The following POSTN variants were observed in gnomAD, a reference collection of about 807,000 sequenced individuals.
POSTN encodes periostin.
In POSTN, 71 loss-of-function variants were observed where a neutral mutation model predicts 104.5. The observed-to-expected ratio is 0.68, with a 90% CI of 0.56 to 0.83. POSTN has a LOEUF of 0.83. POSTN is among the 40% of genes least tolerant of loss of function. The pLI, the probability that POSTN is intolerant of heterozygous loss-of-function variation, is 0.00. For missense variants in POSTN, 949 were observed against 1,006.8 expected (o/e 0.94, Z 0.78); for synonymous variants, 355 against 340.7 (o/e 1.04, Z -0.46).
chr13:37,573,015 A>G (rs1950301087), intron 17 of POSTN, among the ~76,000 whole-genome samples: 1 of 151,586 alleles, frequency 6.6e-6, no homozygotes, highest in South Asian at 2.1e-4. Flanking sequence ...GAAGCCATGT[A>G]GAGATGACCC....
intron 15 of POSTN, among the ~76,000 whole-genome samples, chr13:37,578,602 C>A (rs896542179): frequency 6.6e-6 from 1 of 151,894 alleles, no homozygotes; most frequent in African/African-American, 2.4e-5. Flanking sequence ...TCGAGACCAT[C>A]CTGGCGAACA....
At chr13:37,570,801 T>A (rs747139657) in intron 18 of POSTN, 132 bp from the exon 19 acceptor site, 3 of 631,092 alleles carry the variant, frequency 4.8e-6, no homozygotes, top group Non-Finnish European at 8.3e-6. Flanking sequence ...TAAACATTTT[T>A]AGAACATATC....
chr13:37,574,767 G>A (rs1015626901), intron 16 of POSTN, 115 bp from the exon 17 acceptor site: 3 of 1,307,394 alleles, frequency 2.3e-6, no homozygotes, highest in Admixed American at 3.5e-5. Flanking sequence ...ACAGGATGTG[G>A]TAATATGTTC....
At position 37,563,133 on chromosome 13, in the gene POSTN, A is replaced by ACTACAGGAGGCTAACT. The variant is rs1555350229; in HGVS notation, c.*199_*200insAGTTAGCCTCCTGTAG. ...GTGTTATATTTTCTTCAATTCCTTTACCACAGGAGGCTAACTCCACAATTT... is the reference window on the plus strand; with the variant it reads ...GTGTTATATTTTCTTCAATTCCTTTACTACAGGAGGCTAACTCCACAGGAGGCTAACTCCACAATTT... On this transcript the variant is annotated 3_prime_UTR_variant, in exon 23 of 23. Transcript: ENST00000379747. 2.5e-6 allele frequency: 1 copy of ACTACAGGAGGCTAACT among 393,726 alleles called. No individual in the cohort carries two copies. Among genetic ancestry groups the ACTACAGGAGGCTAACT allele is most frequent in the East Asian group, 3.8e-5 (1 of 26,462 alleles). The allele number at this position is 393,726 out of a possible 1,614,324, so 24.4% of individuals were successfully genotyped here. A position where few individuals can be genotyped will look rare whatever the true frequency, so the allele number is the denominator to read the frequency against.
chr13:37,565,068 A>G (rs1473788026), intron 21 of POSTN: 1 of 152,176 alleles, frequency 6.6e-6, no homozygotes, highest in Non-Finnish European at 1.5e-5. Flanking sequence ...GCACTGACCT[A>G]ATGATTCTAG....
Position 37,584,834 on chromosome 13 carries a change from C to T in POSTN, c.990G>A (p.Glu330=). Residue 330 remains glutamate, a synonymous_variant, in exon 8 of 23, where the codon GAG becomes GAA. Transcript: ENST00000379747. ...TTATACTGTCACCGTCACATCCTAT[C>T]TCAATTGTATTTCCTTCCAGCGTCT... The part of the protein sequence containing the change: ...VFETLEGNTI[E]IGCDGDSITV... 6.2e-7 allele frequency: 1 copy of T among 1,613,930 alleles called. No homozygotes were observed.
chr13:37,569,329 T>C lies in POSTN; in HGVS notation c.2402A>G (p.Asp801Gly), dbSNP rs1158619251. The change falls in exon 21 of 23, where the codon GAT (aspartate) becomes GGT (glycine). Residue 801 changes from aspartate (D) to glycine (G), a missense_variant. Coordinates refer to ENST00000379747, the MANE Select transcript of POSTN (RefSeq NM_006475.3). The stretch of plus-strand genomic sequence containing the variant: ...CTGAAGCAGTCTTTTAATTTCTTCA[T>C]CTTCAAATAAATGACCATCACCACC... ...IEGGDGHLFEDEEIKRLLQGD... is the reference protein window; with the variant it reads ...IEGGDGHLFEGEEIKRLLQGD... 6.2e-7 allele frequency: 1 copy of C among 1,612,806 alleles called. No homozygotes were observed. The highest frequency in any genetic ancestry group is 2.2e-5 in the East Asian group (1 of 44,770).
chr13:37,571,343 G>A lies in POSTN; in HGVS notation c.2179+26C>T, dbSNP rs371887388. On this transcript the variant is annotated intron_variant, in intron 18 of 22. Coordinates refer to ENST00000379747, the MANE Select transcript of POSTN (RefSeq NM_006475.3). ...CAAAATAATCACAGCGAAGGTAGTC[G>A]GCCCCAGGTAACATAAGGAACGCAC... The A allele has an allele frequency of 2.4e-4, 342 of 1,438,786 alleles. 3 individuals are homozygous for A. The highest frequency in any genetic ancestry group is 1.3e-4 in the Non-Finnish European group (138 of 1,038,454). 89.1% of individuals were successfully genotyped at this position (1,438,786 alleles called of 1,614,324 possible). A position where few individuals can be genotyped will look rare whatever the true frequency, so the allele number is the denominator to read the frequency against.
chr13:37,579,422 CA>C (rs1481937845), intron 12 of POSTN, 63 bp from the exon 13 acceptor site: 1 of 1,282,266 alleles, frequency 7.8e-7, no homozygotes, highest in Admixed American at 2.1e-5. Context: ...GACTAAGAAA[CA>C]AAACACTTAT....
rs111655391 is a variant in POSTN at position 37,590,378 on chromosome 13, C to T, written c.435G>A (p.Leu145=). Residue 145 remains leucine (L), a synonymous_variant, in exon 4 of 23, where the codon TTG becomes TTA. Transcript: ENST00000379747. ...GATAAAAATAATGAATTACAGAATCCAAGTTGTCCCAAGCCTCATTACTCG... is the reference window on the plus strand; with the variant it reads ...GATAAAAATAATGAATTACAGAATCTAAGTTGTCCCAAGCCTCATTACTCG... The part of the protein sequence containing the change: ...FAPSNEAWDN[L]DSDIRRGLES... 32 of 1,549,018 alleles carry T rather than the reference C, an allele frequency of 2.1e-5. 1 individual carries two copies. The Middle Eastern group carries it at 1.0e-3, about 49-fold the overall frequency.
chr13:37,595,689 G>A (rs1220520257), intron 2 of POSTN, among the ~76,000 whole-genome samples: 1 of 151,906 alleles, frequency 6.6e-6, no homozygotes, highest in African/African-American at 2.4e-5. Flanking sequence ...ATGCATTATG[G>A]TTACTTAGTA....
intron 3 of POSTN, among the ~76,000 whole-genome samples, chr13:37,591,372 T>C (rs1950929655): frequency 6.6e-6 from 1 of 152,194 alleles, no homozygotes; most frequent in Admixed American, 6.6e-5. Context: ...AATGACATTA[T>C]CCAAAGTGCA....
chr13:37,587,910 C>A lies in POSTN; in HGVS notation c.518G>T (p.Arg173Ile), dbSNP rs770865489. 1 of 1,599,314 alleles carries A rather than the reference C, an allele frequency of 6.3e-7. No homozygotes were observed. Among genetic ancestry groups the A allele is most frequent in the South Asian group, 1.1e-5 (1 of 90,664 alleles). ...ATTTTTTAAGTCCTTGGTCAACATT[C>A]TCTTATTAATCATGTGACTATGTAA... ...NALHSHMINK[R>I]MLTKDLKNGM... Residue 173 changes from arginine (R) to isoleucine (I), a missense_variant, in exon 5 of 23, where the codon AGA (arginine) becomes ATA (isoleucine). Transcript: ENST00000379747.
At chr13:37,590,351 T>C (rs751310186) in intron 4 of POSTN, 21 bp downstream of exon 4, 3 of 1,491,408 alleles carry the variant, frequency 2.0e-6, no homozygotes, top group Non-Finnish European at 2.7e-6. Flanking sequence ...AATAAATATA[T>C]TGATAAAAAT....
At chr13:37,563,558 A>G (rs574172508) in intron 22 of POSTN, among the ~76,000 whole-genome samples, 188 bp from the exon 23 acceptor site, 1 of 152,222 alleles carries the variant, frequency 6.6e-6, no homozygotes, top group East Asian at 1.9e-4. Flanking sequence ...TATATAAAAT[A>G]ATAATTTGAA....
rs766439488 is a variant in POSTN, at chr13:37,586,266, T to C, written c.768A>G (p.Thr256=). Residue 256 remains threonine (T), a synonymous_variant, in exon 7 of 23, where the codon ACA becomes ACG. Transcript: ENST00000379747. Reference sequence around the variant, plus strand: ...TTCCAAGGGCCTCCAATATGTCCGATGTGATGGCAGCTGCCTGAAACACAA... The same window carrying C: ...TTCCAAGGGCCTCCAATATGTCCGACGTGATGGCAGCTGCCTGAAACACAA... The part of the protein sequence containing the change: ...DLSSFRAAAI[T]SDILEALGRD... The C allele has an allele frequency of 6.8e-6, 11 of 1,610,560 alleles. No individual in the cohort carries two copies. Among genetic ancestry groups the C allele is most frequent in the African/African-American group, 2.7e-5 (2 of 74,692 alleles).
rs1950558002 is a variant in POSTN, at chr13:37,580,688, T to G, written c.1402A>C (p.Ile468Leu). The change falls in exon 11 of 23, where the codon ATT (isoleucine) becomes CTT (leucine). Residue 468 changes from isoleucine to leucine, a missense_variant. By Grantham distance (5) the Ile-to-Leu change is conservative. Transcript: ENST00000379747. ...RVFVYRTAVC[I>L]ENSCMEKGSK... ...CCTTTCTCCATGCATGAATTTTCAA[T>G]GCAGACAGCCTAGGAAAGGAAAGAA... The G allele has an allele frequency of 1.2e-6, 2 of 1,614,112 alleles. No individual in the cohort carries two copies.
At chr13:37,563,432 A>C in intron 22 of POSTN, 62 bp from the exon 23 acceptor site, 1 of 1,163,048 alleles carries the variant, frequency 8.6e-7, no homozygotes, top group South Asian at 1.7e-5. Flanking sequence ...AAATTTAAGA[A>C]TATATTATTC....
intron 16 of POSTN, among the ~76,000 whole-genome samples, chr13:37,576,161 C>T (rs933945170): frequency 6.6e-6 from 1 of 152,124 alleles, no homozygotes; most frequent in Non-Finnish European, 1.5e-5. Flanking sequence ...AAACAGCATC[C>T]TTCCCCTCAA....
Sources: gnomAD v4.1 joint callset for allele counts (sites outside exome capture counted in the v4.1 genomes callset) on GRCh38, gnomAD v4.1.1 for gene constraint, MANE v1.5 for transcripts, NCBI Gene and HGNC (gene_info 2026-07-23, HGNC 2026-07-21) for gene names.